FAM120B: variants seen among roughly 807,000 people sequenced by gnomAD.
FAM120B encodes family with sequence similarity 120 member B.
A neutral mutation model predicts 96.3 loss-of-function variants in FAM120B; 83 were observed. That is an observed-to-expected ratio of 0.86 (90% CI 0.72 to 1.03). FAM120B has a LOEUF of 1.03. Ranked by LOEUF, FAM120B falls within the 50% of genes least tolerant of loss-of-function variation. FAM120B has a pLI of 0.00. For missense variants in FAM120B, 1,027 were observed against 1,121.2 expected, an observed-to-expected ratio of 0.92 and a Z score of 1.20; for synonymous variants, 407 against 402.7, an observed-to-expected ratio of 1.01 and a Z score of -0.13.
chr6:170,397,085 C>T (rs544918032), intron 9 of FAM120B, among the ~76,000 whole-genome samples: 3 of 152,330 alleles, frequency 2.0e-5, no homozygotes, highest in South Asian at 2.1e-4. Context: ...GGGGGCTCCC[C>T]GTGGGCTGGG....
chr6:170,346,657 TTGCTGTAATTGGAATTTTG>T (rs1787212852), intron 4 of FAM120B, among the ~76,000 whole-genome samples: 1 of 152,144 alleles, frequency 6.6e-6, no homozygotes, highest in African/African-American at 2.4e-5. Context: ...CCAGCCTCAG[TTGCTGTAATTGGAATTTTG>T]TGTGGTTTTC....
intron 2 of FAM120B, among the ~76,000 whole-genome samples, chr6:170,320,976 C>T (rs1785249878): frequency 6.6e-6 from 1 of 152,128 alleles, no homozygotes; most frequent in African/African-American, 2.4e-5. Context: ...CTGATGGCAT[C>T]AGAGAGTTAC....
At chr6:170,389,816 C>G (rs1287410070) in intron 7 of FAM120B, among the ~76,000 whole-genome samples, 1 of 152,160 alleles carries the variant, frequency 6.6e-6, no homozygotes, top group East Asian at 1.9e-4. Flanking sequence ...CTGCCTCAGC[C>G]TCCCAAAGTG....
At chr6:170,372,853 A>G (rs1467873975) in intron 6 of FAM120B, among the ~76,000 whole-genome samples, 2 of 152,232 alleles carry the variant, frequency 1.3e-5, no homozygotes, top group African/African-American at 2.4e-5. Context: ...AAATCAAACT[A>G]GGCCTTTTGG....
intron 4 of FAM120B, among the ~76,000 whole-genome samples, chr6:170,345,301 T>C (rs1787104876): frequency 6.6e-6 from 1 of 152,194 alleles, no homozygotes; most frequent in African/African-American, 2.4e-5. Flanking sequence ...GTTACTCTCT[T>C]TGACCTTCAG....
intron 4 of FAM120B, among the ~76,000 whole-genome samples, chr6:170,339,151 GTTT>G (rs537334789): frequency 2.1e-4 from 32 of 152,112 alleles, no homozygotes; most frequent in Non-Finnish European, 3.5e-4. Flanking sequence ...GCTGGTACCA[GTTT>G]TTTCTTTCCT....
rs765507351 is a variant in FAM120B, at chr6:170,406,194, C to T, written c.*1443C>T. The T allele has an allele frequency of 3.3e-5, 5 of 152,152 alleles. No homozygotes were observed. In the South Asian group the frequency reaches 6.2e-4, roughly 19 times the overall value. 9.4% of individuals were successfully genotyped at this position (152,152 alleles called of 1,614,324 possible). ...AGAAGGCAAGCCCTCTGTGGGCAGC[C>T]GTCTTCCAGAAACCTCGAACTTATG... On this transcript the variant is annotated 3_prime_UTR_variant, in exon 11 of 11. Coordinates refer to ENST00000476287, the MANE Select transcript of FAM120B (RefSeq NM_032448.3).
At chr6:170,324,199 T>A (rs917853917) in intron 3 of FAM120B, among the ~76,000 whole-genome samples, 2 of 152,198 alleles carry the variant, frequency 1.3e-5, no homozygotes, top group African/African-American at 2.4e-5. Context: ...AATCATCAGA[T>A]GGAAAAGTCA....
At chr6:170,332,693 C>G (rs995421906) in intron 4 of FAM120B, among the ~76,000 whole-genome samples, 4 of 149,020 alleles carry the variant, frequency 2.7e-5, no homozygotes, top group Non-Finnish European at 4.5e-5. Flanking sequence ...AGCAAGACTC[C>G]ATCTCAAAAA....
intron 4 of FAM120B, among the ~76,000 whole-genome samples, chr6:170,333,156 C>T (rs1272343106): frequency 6.6e-6 from 1 of 151,068 alleles, no homozygotes; most frequent in Non-Finnish European, 1.5e-5. Context: ...GTACCCCCAC[C>T]CCACCGCCCC....
rs908208167 is a variant in FAM120B at position 170,402,624 on chromosome 6, C to T, written c.2693-1926C>T. Among the ~76,000 whole-genome samples, 15 of 152,302 alleles carry T rather than the reference C, an allele frequency of 9.8e-5. No homozygotes were observed. The East Asian group carries it at 2.3e-3, about 24-fold the overall frequency. On this transcript the variant is annotated intron_variant, in intron 9 of 10. Coordinates refer to ENST00000476287, the MANE Select transcript of FAM120B (RefSeq NM_032448.3). ...GTGAAGTGGGCTCTCCCGGGCTCTG[C>T]GGAGCCCACAGCCCTCCAGAAAAAG... is the stretch of plus-strand genomic sequence containing the variant.
At position 170,388,341 on chromosome 6, in the gene FAM120B, C is replaced by A. The variant is rs1213936021; in HGVS notation, c.2338C>A (p.Leu780Ile). The change falls in exon 7 of 11, where the codon CTC becomes ATC. Residue 780 changes from leucine to isoleucine, a missense_variant. Leu to Ile is a conservative substitution (Grantham distance 5). Coordinates refer to ENST00000476287, the MANE Select transcript of FAM120B (RefSeq NM_032448.3). ...GCTGGGCTCCCTTCTCGTCCGCGGC[C>A]TCACCACTCTGGTTTTAGTCAACAG... The part of the protein sequence containing the change: ...VQLGSLLVRG[L>I]TTLVLVNSAC... 6.2e-7 allele frequency: 1 copy of A among 1,614,146 alleles called. No homozygotes were observed. Among genetic ancestry groups the A allele is most frequent in the Non-Finnish European group, 8.5e-7 (1 of 1,180,040 alleles).
In FAM120B at chr6:170,333,613, G is replaced by A. The variant is rs528672682; in HGVS notation, c.2017+3063G>A. Among the ~76,000 whole-genome samples, 11 of 151,140 alleles carry A rather than the reference G, an allele frequency of 7.3e-5. No homozygotes were observed. The South Asian group carries it at 2.3e-3, about 31-fold the overall frequency. On this transcript the variant is annotated intron_variant, in intron 4 of 10. Transcript: ENST00000476287. ...GCTCACTGCAACCTCCGCCTCCTGA[G>A]TAGCTGGGACTACAGGCACATGCCA...
intron 6 of FAM120B, among the ~76,000 whole-genome samples, chr6:170,385,521 A>T (rs750688406): frequency 6.6e-6 from 1 of 152,130 alleles, no homozygotes; most frequent in Non-Finnish European, 1.5e-5. Context: ...GGTTTTTTTT[A>T]TGTCATTCGC....
At chr6:170,312,243 G>A (rs544367384) in intron 1 of FAM120B, among the ~76,000 whole-genome samples, 9 of 152,056 alleles carry the variant, frequency 5.9e-5, no homozygotes, top group South Asian at 2.1e-4. Context: ...CAAATGGTTC[G>A]TTTTTTGATC....
At position 170,325,872 on chromosome 6, in the gene FAM120B, G is replaced by T. The variant is rs185956790; in HGVS notation, c.1915+2613G>T. The stretch of plus-strand genomic sequence containing the variant: ...ATCTCAAAAAAAAAAAAAAAAAGTG[G>T]TTGATCTGGGGGTCTGTTAGATTGG... On this transcript the variant is annotated intron_variant, in intron 3 of 10. Transcript: ENST00000476287. Among the ~76,000 whole-genome samples the T allele has an allele frequency of 8.6e-3, 1,298 of 150,594 alleles. 31 individuals carry two copies. Among genetic ancestry groups the T allele is most frequent in the African/African-American group, 0.03 (1,251 of 41,064 alleles).
intron 7 of FAM120B, among the ~76,000 whole-genome samples, chr6:170,390,588 TG>T (rs1790429685): frequency 6.6e-6 from 1 of 152,242 alleles, no homozygotes; most frequent in African/African-American, 2.4e-5. Flanking sequence ...TTTTGTTTTT[TG>T]TTTTTTGTTT....
At chr6:170,313,761 T>C (rs1399736291) in intron 1 of FAM120B, among the ~76,000 whole-genome samples, 2 of 152,256 alleles carry the variant, frequency 1.3e-5, no homozygotes, top group Non-Finnish European at 2.9e-5. Flanking sequence ...TGCCATTGCT[T>C]ATTACTACTT....
At chr6:170,327,833 G>C (rs954119195) in intron 3 of FAM120B, among the ~76,000 whole-genome samples, 1 of 150,472 alleles carries the variant, frequency 6.6e-6, no homozygotes, top group Non-Finnish European at 1.5e-5. Flanking sequence ...AGGCTGCTCC[G>C]GTGAGTCCAT....
Sources: gnomAD v4.1 joint callset for allele counts (sites outside exome capture counted in the v4.1 genomes callset) on GRCh38, gnomAD v4.1.1 for gene constraint, MANE v1.5 for transcripts, NCBI Gene and HGNC (gene_info 2026-07-23, HGNC 2026-07-21) for gene names.